The following MYO1H variants were observed in gnomAD, a reference collection of about 807,000 sequenced individuals.
The protein encoded by MYO1H is myosin IH.
In MYO1H, 118 loss-of-function variants were observed where a neutral mutation model predicts 149.3. That is an observed-to-expected ratio of 0.79 (90% CI 0.68 to 0.92). The LOEUF (loss-of-function observed/expected upper bound fraction) is 0.92. MYO1H is among the 40% of genes least tolerant of loss of function. The probability of loss-of-function intolerance (pLI) is 0.00; values close to 1 mark genes in which losing one functional copy is unlikely to be tolerated. For synonymous variants in MYO1H, 447 were observed against 465.2 expected (o/e 0.96, Z 0.50); for missense variants, 1,212 against 1,280.7 (o/e 0.95, Z 0.82).
chr12:109,361,813 CAAAAAAAA>C (rs35915417), intron 1 of MYO1H, among the ~76,000 whole-genome samples: 81 of 56,868 alleles, frequency 1.4e-3, no homozygotes, highest in African/African-American at 5.0e-3. Context: ...CCTTGTCTCA[CAAAAAAAA>C]AAAAAAAAAA....
exon 22 of MYO1H, chr12:109,436,491 C>G: frequency 6.2e-7 from 1 of 1,608,858 alleles, no homozygotes; most frequent in East Asian, 2.2e-5. Context: ...TTTTAAGTTG[C>G]AAGAATCCAA....
the MYO1H span, among the ~76,000 whole-genome samples, chr12:109,331,784 C>T: frequency 6.6e-6 from 1 of 152,198 alleles, no homozygotes; most frequent in Non-Finnish European, 1.5e-5. Context: ...GTAGCTCCTG[C>T]ATGACAGCTG....
In MYO1H at chr12:109,436,548, G is replaced by GA; in HGVS notation, c.2202dup (p.Gln735ThrfsTer34). The GA allele has an allele frequency of 6.2e-7, 1 of 1,606,562 alleles. No individual in the cohort carries two copies. The highest frequency in any genetic ancestry group is 8.5e-7 in the Non-Finnish European group (1 of 1,176,106). On this transcript the variant is annotated frameshift_variant, in exon 22 of 32. Transcript: ENST00000310903. LOFTEE classifies it high-confidence loss of function. ...GGAAGGAGAGAATACGTGAAAAAAA[G>GA]ACAAGCAGGTAAGAATTAAATAGAA...
the MYO1H span, among the ~76,000 whole-genome samples, chr12:109,325,739 C>A: frequency 6.6e-6 from 1 of 152,006 alleles, no homozygotes. Flanking sequence ...ACAAGAAAAA[C>A]CCATCAAAAA....
At chr12:109,321,715 T>C in the MYO1H span, among the ~76,000 whole-genome samples, 1 of 152,136 alleles carries the variant, frequency 6.6e-6, no homozygotes, top group Non-Finnish European at 1.5e-5. Context: ...CAGATTAATA[T>C]AAAATTAAAC....
At chr12:109,440,859 T>A in intron 25 of MYO1H, 32 bp downstream of exon 25, 2 of 1,135,620 alleles carry the variant, frequency 1.8e-6, no homozygotes, top group Non-Finnish European at 2.6e-6. Flanking sequence ...TGGCCGGTGG[T>A]GGGGGTGGGT....
At chr12:109,406,167 T>TA in intron 8 of MYO1H, 132 bp downstream of exon 8, 1 of 638,446 alleles carries the variant, frequency 1.6e-6, no homozygotes, top group Non-Finnish European at 2.7e-6. Flanking sequence ...TTAGGAGGTT[T>TA]AAAGAGTGGG....
chr12:109,447,210 C>T (rs758542340), exon 32 of MYO1H: 15 of 1,582,688 alleles, frequency 9.5e-6, no homozygotes, highest in Admixed American at 3.6e-5. Context: ...CCTCTACCAT[C>T]GCCATTTTTG....
At chr12:109,402,544 G>A (rs139277850) in intron 6 of MYO1H, among the ~76,000 whole-genome samples, 588 of 152,314 alleles carry the variant, frequency 3.9e-3, no homozygotes, top group Non-Finnish European at 6.2e-3. Flanking sequence ...AAGGCAGGAG[G>A]ATCGCTTGAG....
the MYO1H span, among the ~76,000 whole-genome samples, chr12:109,330,043 AC>A: frequency 6.6e-6 from 1 of 152,210 alleles, no homozygotes; most frequent in East Asian, 1.9e-4. Flanking sequence ...GGGACAGAAA[AC>A]AAACATTTGT....
chr12:109,395,809 A>G (rs1320197290), intron 3 of MYO1H, among the ~76,000 whole-genome samples: 1 of 150,850 alleles, frequency 6.6e-6, no homozygotes, highest in Non-Finnish European at 1.5e-5. Flanking sequence ...AGTACACTCT[A>G]TATTTGATTA....
chr12:109,327,750 A>AG, the MYO1H span, among the ~76,000 whole-genome samples: 1 of 150,848 alleles, frequency 6.6e-6, no homozygotes, highest in East Asian at 2.0e-4. Flanking sequence ...AAAAAAAAAA[A>AG]AAAAAAAGAA....
chr12:109,364,134 G>A (rs1223005485), intron 1 of MYO1H, among the ~76,000 whole-genome samples: 1 of 137,904 alleles, frequency 7.3e-6, no homozygotes, highest in East Asian at 2.2e-4. Flanking sequence ...TCATGCCACT[G>A]CACTCCAGAC....
intron 1 of MYO1H, among the ~76,000 whole-genome samples, chr12:109,373,869 C>A (rs1404345896): frequency 1.3e-5 from 2 of 152,170 alleles, no homozygotes; most frequent in Non-Finnish European, 2.9e-5. Context: ...TACCTGTAAT[C>A]CCAGCTACTC....
chr12:109,366,327 G>A (rs2137010588), intron 1 of MYO1H, among the ~76,000 whole-genome samples: 1 of 152,274 alleles, frequency 6.6e-6, no homozygotes, highest in South Asian at 2.1e-4. Context: ...TGTACCAATG[G>A]CCCATCAACT....
chr12:109,402,729 G>A (rs1415601632), intron 6 of MYO1H, among the ~76,000 whole-genome samples: 1 of 152,112 alleles, frequency 6.6e-6, no homozygotes, highest in East Asian at 1.9e-4. Context: ...CAAATGTGAT[G>A]TTTTTTTCTT....
chr12:109,328,157 CGTGT>C, the MYO1H span, among the ~76,000 whole-genome samples: 4 of 142,672 alleles, frequency 2.8e-5, no homozygotes, highest in Admixed American at 7.0e-5. Flanking sequence ...TATATATATG[CGTGT>C]GTGTGTGTGT....
intron 1 of MYO1H, among the ~76,000 whole-genome samples, chr12:109,377,285 G>C (rs1869104344): frequency 6.6e-6 from 1 of 152,164 alleles, no homozygotes; most frequent in African/African-American, 2.4e-5. Context: ...TCAAGATTGG[G>C]CATCTGCACG....
At chr12:109,407,684 C>T (rs1477780638) in intron 9 of MYO1H, 110 bp from the exon 10 acceptor site, 19 of 1,186,828 alleles carry the variant, frequency 1.6e-5, no homozygotes, top group South Asian at 1.8e-5. Flanking sequence ...GGCAGCAGAG[C>T]GAGACCCTGT....
Sources: gnomAD v4.1 joint callset for allele counts (sites outside exome capture counted in the v4.1 genomes callset) on GRCh38, gnomAD v4.1.1 for gene constraint, MANE v1.5 for transcripts, NCBI Gene and HGNC (gene_info 2026-07-23, HGNC 2026-07-21) for gene names.